GSK3B: variants seen among roughly 807,000 people sequenced by gnomAD.
The protein encoded by GSK3B is glycogen synthase kinase-3 beta.
Under a neutral mutation model 56.4 loss-of-function variants are expected in GSK3B, and 15 were observed. That is an observed-to-expected ratio of 0.27 (90% CI 0.18 to 0.41). The LOEUF is 0.41. GSK3B is among the 10% of genes least tolerant of loss of function. The pLI, the probability that GSK3B is intolerant of heterozygous loss-of-function variation, is 1.00. For missense variants in GSK3B, 300 were observed against 513.4 expected, an observed-to-expected ratio of 0.58 and a Z score of 4.02; for synonymous variants, 181 against 188.9, an observed-to-expected ratio of 0.96 and a Z score of 0.34.
At chr3:119,905,711 C>T (rs199879593) in intron 7 of GSK3B, 44 bp downstream of exon 7, 4 of 1,095,178 alleles carry the variant, frequency 3.7e-6, no homozygotes, top group East Asian at 2.4e-5. Flanking sequence ...TAAAGTAGCA[C>T]AAAAATTCCT....
chr3:119,955,873 G>A (rs1157181922), intron 2 of GSK3B, among the ~76,000 whole-genome samples: 1 of 152,024 alleles, frequency 6.6e-6, no homozygotes, highest in Non-Finnish European at 1.5e-5. Context: ...GGCTGGTCTC[G>A]AACTCCTGAC....
rs914404938 is a variant in GSK3B at position 119,972,704 on chromosome 3, G to A, written c.283-25353C>T. ...CCTGCCTCGGCCTCCCAAAGCGCTG[G>A]AATTACAGGTGTGAGCCACCGCGCC... On this transcript the variant is annotated intron_variant, in intron 2 of 10. Coordinates refer to ENST00000264235, the MANE Select transcript of GSK3B (RefSeq NM_001146156.2). Among the ~76,000 whole-genome samples the A allele has an allele frequency of 3.9e-5, 6 of 152,096 alleles. 1 individual carries two copies. In the South Asian group the frequency reaches 1.2e-3, roughly 32 times the overall value.
intron 1 of GSK3B, among the ~76,000 whole-genome samples, chr3:120,006,941 G>GA (rs1238018906): frequency 2.8e-5 from 4 of 142,666 alleles, no homozygotes; most frequent in Non-Finnish European, 3.1e-5. Context: ...GATAGAGACA[G>GA]AAAAAAAACC....
chr3:119,931,406 G>A (rs191741674), intron 3 of GSK3B, among the ~76,000 whole-genome samples: 5 of 152,068 alleles, frequency 3.3e-5, no homozygotes, highest in African/African-American at 4.8e-5. Flanking sequence ...TCTTGAGCCC[G>A]GAAGTTTAAC....
rs140668532 is a variant in GSK3B, at chr3:119,863,605, C to A, written c.910G>T (p.Val304Phe). 12 of 1,590,974 alleles carry A rather than the reference C, an allele frequency of 7.5e-6. No individual in the cohort carries two copies. Among genetic ancestry groups the A allele is most frequent in the Non-Finnish European group, 1.0e-5 (12 of 1,161,154 alleles). ...PQIKAHPWTKVFRPRTPPEAI... is the reference protein window; with the variant it reads ...PQIKAHPWTKFFRPRTPPEAI... ...TCCGGTGGAGTTCGGGGTCGGAAGA[C>A]CTGCAGTACAAAAAAAGGGAAAGAA... Residue 304 changes from valine to phenylalanine, a missense_variant and splice_region_variant, in exon 9 of 11, where the codon GTC becomes TTC. By Grantham distance (50) the Val-to-Phe change is conservative. Around this residue, in one of 6 missense-constraint regions of GSK3B, gnomAD observed 38 missense variants for 58.3 expected, o/e 0.65. Transcript: ENST00000264235.
rs1170925404 is a variant in GSK3B at position 119,970,613 on chromosome 3, TAA to T, written c.283-23264_283-23263del. ...AGTGAAACCCCGTCTCTACTAAAATTAAAAAAAAAAAAAAAAAAAAAAAATTA... is the reference window on the plus strand; with the variant it reads ...AGTGAAACCCCGTCTCTACTAAAATTAAAAAAAAAAAAAAAAAAAAAATTA... On this transcript the variant is annotated intron_variant, in intron 2 of 10. Coordinates refer to ENST00000264235, the MANE Select transcript of GSK3B (RefSeq NM_001146156.2). Among the ~76,000 whole-genome samples, 515 of 114,238 alleles carry T rather than the reference TAA, an allele frequency of 4.5e-3. 6 individuals are homozygous for T. The highest frequency in any genetic ancestry group is 0.019 in the Middle Eastern group (4 of 210). 74.9% of individuals were successfully genotyped at this position (114,238 alleles called of 152,430 possible).
At chr3:119,871,457 A>C (rs968108778) in intron 8 of GSK3B, among the ~76,000 whole-genome samples, 2 of 152,188 alleles carry the variant, frequency 1.3e-5, no homozygotes, top group African/African-American at 4.8e-5. Context: ...TTTTGAAGTA[A>C]TTGGCATTCA....
intron 6 of GSK3B, among the ~76,000 whole-genome samples, chr3:119,909,580 A>C (rs1484505758): frequency 1.3e-5 from 2 of 152,170 alleles, no homozygotes; most frequent in East Asian, 3.9e-4. Flanking sequence ...ATAATGATTA[A>C]AGCTAATGGT....
chr3:120,038,848 C>T (rs1024257710), intron 1 of GSK3B, among the ~76,000 whole-genome samples: 3 of 150,532 alleles, frequency 2.0e-5, no homozygotes, highest in South Asian at 2.1e-4. Flanking sequence ...AAGTGGGCTT[C>T]GTTAAAATTA....
rs145027294 is a variant in GSK3B at position 120,051,766 on chromosome 3, C to CAA, written c.88+41579_88+41580dup. On this transcript the variant is annotated intron_variant, in intron 1 of 10. Transcript: ENST00000264235. ...CGGGCGACAGAGTGAGACTCTATCT[C>CAA]AAAAAAAAAAAAAAAAGATATGAGT... Among the ~76,000 whole-genome samples, 896 of 100,712 alleles carry CAA rather than the reference C, an allele frequency of 8.9e-3. 8 individuals are homozygous for CAA. Among genetic ancestry groups the CAA allele is most frequent in the African/African-American group, 0.027 (740 of 27,346 alleles). 66.1% of individuals were successfully genotyped at this position (100,712 alleles called of 152,430 possible). A position where few individuals can be genotyped will look rare whatever the true frequency, so the allele number is the denominator to read the frequency against.
intron 1 of GSK3B, among the ~76,000 whole-genome samples, chr3:120,066,179 A>T (rs1219912725): frequency 1.3e-5 from 2 of 152,150 alleles, no homozygotes; most frequent in Non-Finnish European, 2.9e-5. Flanking sequence ...CCACTAAAAG[A>T]TCCTAAAAAC....
chr3:120,089,617 G>A (rs2058494123), intron 1 of GSK3B, among the ~76,000 whole-genome samples: 1 of 152,028 alleles, frequency 6.6e-6, no homozygotes, highest in Non-Finnish European at 1.5e-5. Flanking sequence ...TTTATATGAG[G>A]AAACAACTTA....
intron 3 of GSK3B, among the ~76,000 whole-genome samples, chr3:119,936,503 T>C (rs1044989766): frequency 6.6e-5 from 10 of 151,176 alleles, no homozygotes; most frequent in African/African-American, 1.7e-4. Flanking sequence ...CACACCACCA[T>C]ACCTGGCTAA....
At chr3:119,924,677 T>C (rs888396214) in intron 3 of GSK3B, among the ~76,000 whole-genome samples, 2 of 152,126 alleles carry the variant, frequency 1.3e-5, no homozygotes, top group Non-Finnish European at 2.9e-5. Context: ...TCTTCCCTTC[T>C]TAGCCTGCTT....
Position 120,007,811 on chromosome 3 carries a change from A to C in GSK3B, c.89-5572T>G, listed in dbSNP as rs1044441116. Among the ~76,000 whole-genome samples, 73 of 152,224 alleles carry C rather than the reference A, an allele frequency of 4.8e-4. 1 individual carries two copies. Among genetic ancestry groups the C allele is most frequent in the Non-Finnish European group, 9.7e-4 (66 of 68,040 alleles). On this transcript the variant is annotated intron_variant, in intron 1 of 10. Coordinates refer to ENST00000264235, the MANE Select transcript of GSK3B (RefSeq NM_001146156.2). The stretch of plus-strand genomic sequence containing the variant: ...TTATGACAAACCAACAGCCAATATC[A>C]TACTGAATGGGCAAAAGCTGGAAGC...
At chr3:120,035,828 C>A (rs942874157) in intron 1 of GSK3B, among the ~76,000 whole-genome samples, 1 of 152,204 alleles carries the variant, frequency 6.6e-6, no homozygotes, top group African/African-American at 2.4e-5. Flanking sequence ...ATTGAGCCTA[C>A]ATAAAATGAG....
At chr3:120,084,906 T>C (rs2058450782) in intron 1 of GSK3B, among the ~76,000 whole-genome samples, 1 of 152,224 alleles carries the variant, frequency 6.6e-6, no homozygotes, top group South Asian at 2.1e-4. Flanking sequence ...TTAAATTTGT[T>C]TTAATTCTAA....
chr3:120,084,777 A>T (rs1018981223), intron 1 of GSK3B: 19 of 152,338 alleles, frequency 1.2e-4, no homozygotes, highest in Admixed American at 3.9e-4. Flanking sequence ...TTTACCTCTA[A>T]TTGCCACGAG....
rs372172708 is a variant in GSK3B at position 120,023,330 on chromosome 3, C to T, written c.89-21091G>A. Among the ~76,000 whole-genome samples, 113 of 151,130 alleles carry T rather than the reference C, an allele frequency of 7.5e-4. 1 individual carries two copies. Among genetic ancestry groups the T allele is most frequent in the African/African-American group, 2.4e-3 (99 of 41,070 alleles). On this transcript the variant is annotated intron_variant, in intron 1 of 10. Coordinates refer to ENST00000264235, the MANE Select transcript of GSK3B (RefSeq NM_001146156.2). ...GGTCCCTCCAAGGTTATGTCCAACA[C>T]TGCCCCTAAATTCCATGTACTTTCA... is the stretch of plus-strand genomic sequence containing the variant.
Sources: allele counts gnomAD v4.1 joint callset (sites outside exome capture counted in the v4.1 genomes callset), GRCh38; gene constraint gnomAD v4.1.1; regional missense constraint gnomAD v4.1.1; transcripts MANE v1.5; gene names NCBI Gene and HGNC (gene_info 2026-07-23, HGNC 2026-07-21).